The following MSGN1 variants were observed in gnomAD, a reference collection of about 807,000 sequenced individuals.
The protein encoded by MSGN1 is mesogenin 1.
A neutral mutation model predicts 10.1 loss-of-function variants in MSGN1; 3 were observed. That is an observed-to-expected ratio of 0.30 (90% CI 0.13 to 0.76). MSGN1 has a LOEUF of 0.76. Ranked by LOEUF, MSGN1 falls within the 30% of genes least tolerant of loss-of-function variation. The pLI, the probability that MSGN1 is intolerant of heterozygous loss-of-function variation, is 0.67. For missense variants in MSGN1, 244 were observed against 244.5 expected (o/e 1.00, Z 0.01); for synonymous variants, 110 against 103.8 (o/e 1.06, Z -0.37).
At position 17,816,889 on chromosome 2, in the gene MSGN1, A is replaced by G. The variant is rs1170000765; in HGVS notation, c.371A>G (p.Gln124Arg). 3 of 1,614,136 alleles carry G rather than the reference A, an allele frequency of 1.9e-6. No individual in the cohort carries two copies. The highest frequency in any genetic ancestry group is 2.7e-5 in the African/African-American group (2 of 74,952). The change falls in exon 1 of 1, where the codon CAG (glutamine) becomes CGG (arginine). Residue 124 changes from glutamine (Q) to arginine (R), a missense_variant. By Grantham distance (43) the Gln-to-Arg change is conservative. Transcript: ENST00000281047. ...QKGTKVRMSV[Q>R]RRRKASEREK... ...GGCACCAAAGTCAGGATGTCTGTCC[A>G]GCGGAGGCGGAAAGCCAGCGAGAGG...
rs1673596704 is a variant in MSGN1, at chr2:17,817,692, A to G, written c.*592A>G. Among the ~76,000 whole-genome samples the G allele has an allele frequency of 6.6e-6, 1 of 152,200 alleles. No individual in the cohort carries two copies. The highest frequency in any genetic ancestry group is 1.5e-5 in the Non-Finnish European group (1 of 68,034). ...AGGCACTGGTGTCATGATAAATGGA[A>G]AGTCACAGGCAGACAGGCTAAGTTA... On this transcript the variant is annotated 3_prime_UTR_variant, in exon 1 of 1. Coordinates refer to ENST00000281047, the MANE Select transcript of MSGN1 (RefSeq NM_001105569.3).
In MSGN1 at chr2:17,816,834, C is replaced by G; in HGVS notation, c.316C>G (p.Gln106Glu). Residue 106 changes from glutamine to glutamate, a missense_variant, in exon 1 of 1, where the codon CAG (glutamine) becomes GAG (glutamate). Transcript: ENST00000281047. ...NMLAFQPTHL[Q>E]GGGGPKAQKG... is the part of the protein sequence containing the mutation. ...GTTAGCTTTCCAGCCCACCCACCTT[C>G]AGGGCGGTGGTGGCCCCAAGGCCCA... is the stretch of plus-strand genomic sequence containing the variant. 3 of 1,614,210 alleles carry G rather than the reference C, an allele frequency of 1.9e-6. No homozygotes were observed. Among genetic ancestry groups the G allele is most frequent in the Non-Finnish European group, 2.5e-6 (3 of 1,180,018 alleles).
In MSGN1 at chr2:17,817,233, C is replaced by T. The variant is rs1475875084; in HGVS notation, c.*133C>T. 2 of 789,644 alleles carry T rather than the reference C, an allele frequency of 2.5e-6. No homozygotes were observed. The highest frequency in any genetic ancestry group is 4.0e-6 in the Non-Finnish European group (2 of 497,214). 48.9% of individuals were successfully genotyped at this position (789,644 alleles called of 1,614,324 possible). A position where few individuals can be genotyped will look rare whatever the true frequency, so the allele number is the denominator to read the frequency against. On this transcript the variant is annotated 3_prime_UTR_variant, in exon 1 of 1. Coordinates refer to ENST00000281047, the MANE Select transcript of MSGN1 (RefSeq NM_001105569.3). ...GTAGTAAGCCTGATAATCTTGTGAT[C>T]TGAAAAACCCTAAGGGAATTCACAT...
chr2:17,816,649 C>T lies in MSGN1; in HGVS notation c.131C>T (p.Ser44Phe), dbSNP rs1201353620. 6.2e-7 allele frequency: 1 copy of T among 1,614,288 alleles called. No individual in the cohort carries two copies. Among genetic ancestry groups the T allele is most frequent in the South Asian group, 1.1e-5 (1 of 91,092 alleles). The change falls in exon 1 of 1, where the codon TCT becomes TTT. Residue 44 changes from serine to phenylalanine, a missense_variant. By Grantham distance (155) the Ser-to-Phe change is radical. Transcript: ENST00000281047. The stretch of plus-strand genomic sequence containing the variant: ...TTTGAGCTGAATCAGGCCTCCCCCT[C>T]TCAGAGCCTTTCCCCGGCTCCATCG... ...GPFELNQASPSQSLSPAPSLE... is the reference protein window; with the variant it reads ...GPFELNQASPFQSLSPAPSLE...
rs1377159852 is a variant in MSGN1, at chr2:17,817,046, G to T, written c.528G>T (p.Gly176=). 6.2e-7 allele frequency: 1 copy of T among 1,613,864 alleles called. No individual in the cohort carries two copies. The highest frequency in any genetic ancestry group is 2.2e-5 in the East Asian group (1 of 44,890). The change falls in exon 1 of 1, where the codon GGG becomes GGT. Residue 176 remains glycine, a synonymous_variant. Transcript: ENST00000281047. The part of the protein sequence containing the change: ...QTLKYTIKYI[G]ELTDLLNRGR... ...TCAAGTACACCATCAAGTACATCGG[G>T]GAACTCACAGACCTCCTTAACCGCG...
In MSGN1 at chr2:17,816,611, C is replaced by A; in HGVS notation, c.93C>A (p.Asp31Glu). The change falls in exon 1 of 1, where the codon GAC becomes GAA. Residue 31 changes from aspartate (D) to glutamate (E), a missense_variant. Asp to Glu is a conservative substitution (Grantham distance 45). Transcript: ENST00000281047. The part of the protein sequence containing the change: ...PGLLSSWDWK[D>E]RAGPFELNQA... ...TGCTGTCTTCCTGGGACTGGAAGGACAGGGCAGGGCCCTTTGAGCTGAATC... is the reference window on the plus strand; with the variant it reads ...TGCTGTCTTCCTGGGACTGGAAGGAAAGGGCAGGGCCCTTTGAGCTGAATC... 1 of 1,614,222 alleles carries A rather than the reference C, an allele frequency of 6.2e-7. No homozygotes were observed. Among genetic ancestry groups the A allele is most frequent in the Middle Eastern group, 1.6e-4 (1 of 6,062 alleles).
rs778071922 is a variant in MSGN1 at position 17,817,072 on chromosome 2, G to A, written c.554G>A (p.Gly185Asp). ...IGELTDLLNR[G>D]REPRAQSA ...GAACTCACAGACCTCCTTAACCGCGGCAGAGAGCCCAGAGCCCAGAGCGCG... is the reference window on the plus strand; with the variant it reads ...GAACTCACAGACCTCCTTAACCGCGACAGAGAGCCCAGAGCCCAGAGCGCG... The change falls in exon 1 of 1, where the codon GGC becomes GAC. Residue 185 changes from glycine to aspartate, a missense_variant. Coordinates refer to ENST00000281047, the MANE Select transcript of MSGN1 (RefSeq NM_001105569.3). The A allele has an allele frequency of 3.1e-6, 5 of 1,613,608 alleles. No homozygotes were observed. In the South Asian group the frequency reaches 5.5e-5, roughly 18 times the overall value.
Position 17,816,921 on chromosome 2 carries a change from C to T in MSGN1, c.403C>T (p.Leu135Phe), listed in dbSNP as rs747093745. Residue 135 changes from leucine to phenylalanine, a missense_variant, in exon 1 of 1, where the codon CTC becomes TTC. Physicochemically the swap from Leu to Phe is conservative, Grantham distance 22. Coordinates refer to ENST00000281047, the MANE Select transcript of MSGN1 (RefSeq NM_001105569.3). ...GCGGAAAGCCAGCGAGAGGGAGAAG[C>T]TCAGGATGAGGACCTTGGCAGATGC... ...RRRKASEREK[L>F]RMRTLADALH... is the part of the protein sequence containing the mutation. 1.5e-5 allele frequency: 24 copies of T among 1,614,146 alleles called. No individual in the cohort carries two copies. Among genetic ancestry groups the T allele is most frequent in the Non-Finnish European group, 1.9e-5 (22 of 1,180,058 alleles).
In MSGN1 at chr2:17,817,148, G is replaced by A. The variant is rs756280462; in HGVS notation, c.*48G>A. 6.6e-7 allele frequency: 1 copy of A among 1,506,598 alleles called. No individual in the cohort carries two copies. The highest frequency in any genetic ancestry group is 9.1e-7 in the Non-Finnish European group (1 of 1,102,628). The allele number at this position is 1,506,598 out of a possible 1,614,324, so 93.3% of individuals were successfully genotyped here. A position where few individuals can be genotyped will look rare whatever the true frequency, so the allele number is the denominator to read the frequency against. On this transcript the variant is annotated 3_prime_UTR_variant, in exon 1 of 1. Coordinates refer to ENST00000281047, the MANE Select transcript of MSGN1 (RefSeq NM_001105569.3). ...GGTTCCAGCCTCCTGAGCAGGAGTA[G>A]AGGAGTTTTGAAGACCTGGATATCT...
chr2:17,817,029 A>C lies in MSGN1; in HGVS notation c.511A>C (p.Thr171Pro). Residue 171 changes from threonine (T) to proline (P), a missense_variant, in exon 1 of 1, where the codon ACC becomes CCC. Physicochemically the swap from Thr to Pro is conservative, Grantham distance 38. Transcript: ENST00000281047. ...PLTKIQTLKY[T>P]IKYIGELTDL... Reference sequence around the variant, plus strand: ...CACCAAGATCCAGACACTCAAGTACACCATCAAGTACATCGGGGAACTCAC... The same window carrying C: ...CACCAAGATCCAGACACTCAAGTACCCCATCAAGTACATCGGGGAACTCAC... 1 of 1,613,848 alleles carries C rather than the reference A, an allele frequency of 6.2e-7. No individual in the cohort carries two copies. The highest frequency in any genetic ancestry group is 1.1e-5 in the South Asian group (1 of 91,042).
rs958414315 is a variant in MSGN1 at position 17,817,304 on chromosome 2, A to C, written c.*204A>C. ...GAACACTTACCTGCCAGATGAGCAG[A>C]GACTTTCACCTCCAGTTTTTTCCAC... On this transcript the variant is annotated 3_prime_UTR_variant, in exon 1 of 1. Transcript: ENST00000281047. Among the ~76,000 whole-genome samples, 38 of 152,242 alleles carry C rather than the reference A, an allele frequency of 2.5e-4. 1 individual carries two copies. The highest frequency in any genetic ancestry group is 2.9e-5 in the Non-Finnish European group (2 of 68,042).
chr2:17,816,575 C>G lies in MSGN1; in HGVS notation c.57C>G (p.Asp19Glu), dbSNP rs771923393. The change falls in exon 1 of 1, where the codon GAC becomes GAG. Residue 19 changes from aspartate (D) to glutamate (E), a missense_variant. Asp to Glu is a conservative substitution (Grantham distance 45, BLOSUM62 2). Coordinates refer to ENST00000281047, the MANE Select transcript of MSGN1 (RefSeq NM_001105569.3). Reference sequence around the variant, plus strand: ...TCGAGGATGGCTTGGGCTCCTCTGACAGCCCTGGCCTGCTGTCTTCCTGGG... The same window carrying G: ...TCGAGGATGGCTTGGGCTCCTCTGAGAGCCCTGGCCTGCTGTCTTCCTGGG... ...LSLEDGLGSS[D>E]SPGLLSSWDW... 1 of 1,611,708 alleles carries G rather than the reference C, an allele frequency of 6.2e-7. No individual in the cohort carries two copies. Among genetic ancestry groups the G allele is most frequent in the East Asian group, 2.2e-5 (1 of 44,850 alleles).
chr2:17,816,471 CTT>C lies in MSGN1; in HGVS notation c.-46_-45del. On this transcript the variant is annotated 5_prime_UTR_variant, in exon 1 of 1. Transcript: ENST00000281047. ...TTCCCTGGCCAGGCGGCAGAATTTT[CTT>C]TCTCACTTGCCAGGGAGCCATTCCT... 1 of 1,480,728 alleles carries C rather than the reference CTT, an allele frequency of 6.8e-7. No individual in the cohort carries two copies. Among genetic ancestry groups the C allele is most frequent in the Non-Finnish European group, 9.0e-7 (1 of 1,105,116 alleles). 91.7% of individuals were successfully genotyped at this position (1,480,728 alleles called of 1,614,324 possible). A position where few individuals can be genotyped will look rare whatever the true frequency, so the allele number is the denominator to read the frequency against.
At position 17,817,054 on chromosome 2, in the gene MSGN1, C is replaced by A. The variant is rs1673585550; in HGVS notation, c.536C>A (p.Thr179Lys). The part of the protein sequence containing the change: ...KYTIKYIGEL[T>K]DLLNRGREPR... ...ACCATCAAGTACATCGGGGAACTCACAGACCTCCTTAACCGCGGCAGAGAG... is the reference window on the plus strand; with the variant it reads ...ACCATCAAGTACATCGGGGAACTCAAAGACCTCCTTAACCGCGGCAGAGAG... The change falls in exon 1 of 1, where the codon ACA becomes AAA. Residue 179 changes from threonine to lysine, a missense_variant. Physicochemically the swap from Thr to Lys is moderately conservative, Grantham distance 78. Coordinates refer to ENST00000281047, the MANE Select transcript of MSGN1 (RefSeq NM_001105569.3). 6.2e-7 allele frequency: 1 copy of A among 1,613,744 alleles called. No individual in the cohort carries two copies.
chr2:17,817,165 T>C lies in MSGN1; in HGVS notation c.*65T>C. On this transcript the variant is annotated 3_prime_UTR_variant, in exon 1 of 1. Coordinates refer to ENST00000281047, the MANE Select transcript of MSGN1 (RefSeq NM_001105569.3). The stretch of plus-strand genomic sequence containing the variant: ...CAGGAGTAGAGGAGTTTTGAAGACC[T>C]GGATATCTTATTGAACAATGATCGG... 3.1e-6 allele frequency: 4 copies of C among 1,291,850 alleles called. No homozygotes were observed. The highest frequency in any genetic ancestry group is 4.4e-6 in the Non-Finnish European group (4 of 919,000). The allele number at this position is 1,291,850 out of a possible 1,614,324, so 80.0% of individuals were successfully genotyped here.
chr2:17,817,038 T>C lies in MSGN1; in HGVS notation c.520T>C (p.Tyr174His), dbSNP rs1489130664. The change falls in exon 1 of 1, where the codon TAC (tyrosine) becomes CAC (histidine). Residue 174 changes from tyrosine to histidine, a missense_variant. Tyr to His is a moderately conservative substitution (Grantham distance 83). Coordinates refer to ENST00000281047, the MANE Select transcript of MSGN1 (RefSeq NM_001105569.3). Reference sequence around the variant, plus strand: ...CCAGACACTCAAGTACACCATCAAGTACATCGGGGAACTCACAGACCTCCT... The same window carrying C: ...CCAGACACTCAAGTACACCATCAAGCACATCGGGGAACTCACAGACCTCCT... The part of the protein sequence containing the change: ...KIQTLKYTIK[Y>H]IGELTDLLNR... The C allele has an allele frequency of 1.2e-6, 2 of 1,613,648 alleles. No homozygotes were observed. Among genetic ancestry groups the C allele is most frequent in the African/African-American group, 1.3e-5 (1 of 74,892 alleles).
At position 17,816,766 on chromosome 2, in the gene MSGN1, G is replaced by C. The variant is rs762244506; in HGVS notation, c.248G>C (p.Ser83Thr). Residue 83 changes from serine (S) to threonine (T), a missense_variant, in exon 1 of 1, where the codon AGT (serine) becomes ACT (threonine). By Grantham distance (58) the Ser-to-Thr change is moderately conservative. Transcript: ENST00000281047. ...AGCAGTGGGGGCAGCGAAGGCTGCAGTGTCGGTGGGGCCAGTGGCCTGGTA... is the reference window on the plus strand; with the variant it reads ...AGCAGTGGGGGCAGCGAAGGCTGCACTGTCGGTGGGGCCAGTGGCCTGGTA... ...GASSGGSEGC[S>T]VGGASGLVEV... 2.9e-5 allele frequency: 46 copies of C among 1,614,020 alleles called. No homozygotes were observed. In the East Asian group the frequency reaches 1.0e-3, roughly 36 times the overall value.
chr2:17,817,020 C>T lies in MSGN1; in HGVS notation c.502C>T (p.Leu168Phe). The T allele has an allele frequency of 1.2e-6, 2 of 1,614,256 alleles. No individual in the cohort carries two copies. The highest frequency in any genetic ancestry group is 8.5e-7 in the Non-Finnish European group (1 of 1,180,052). The change falls in exon 1 of 1, where the codon CTC becomes TTC. Residue 168 changes from leucine (L) to phenylalanine (F), a missense_variant. Coordinates refer to ENST00000281047, the MANE Select transcript of MSGN1 (RefSeq NM_001105569.3). ...RGQPLTKIQT[L>F]KYTIKYIGEL... ...CCAGCCTCTCACCAAGATCCAGACA[C>T]TCAAGTACACCATCAAGTACATCGG...
At position 17,816,639 on chromosome 2, in the gene MSGN1, G is replaced by C. The variant is rs1325752855; in HGVS notation, c.121G>C (p.Ala41Pro). The change falls in exon 1 of 1, where the codon GCC (alanine) becomes CCC (proline). Residue 41 changes from alanine to proline, a missense_variant. Coordinates refer to ENST00000281047, the MANE Select transcript of MSGN1 (RefSeq NM_001105569.3). ...DRAGPFELNQASPSQSLSPAP... is the reference protein window; with the variant it reads ...DRAGPFELNQPSPSQSLSPAP... ...GGCAGGGCCCTTTGAGCTGAATCAG[G>C]CCTCCCCCTCTCAGAGCCTTTCCCC... The C allele has an allele frequency of 5.0e-6, 8 of 1,614,264 alleles. No individual in the cohort carries two copies. The highest frequency in any genetic ancestry group is 1.3e-5 in the African/African-American group (1 of 75,066).
Sources: allele counts gnomAD v4.1 joint callset (sites outside exome capture counted in the v4.1 genomes callset), GRCh38; gene constraint gnomAD v4.1.1; transcripts MANE v1.5; gene names NCBI Gene and HGNC (gene_info 2026-07-23, HGNC 2026-07-21).